The following MSI2 variants were observed in gnomAD, a reference collection of about 807,000 sequenced individuals.
MSI2 encodes RNA-binding protein Musashi homolog 2.
MSI2 carries 17 observed loss-of-function variants against 45.6 expected under a neutral mutation model. The observed-to-expected ratio is 0.37, with a 90% CI of 0.26 to 0.56. The LOEUF (loss-of-function observed/expected upper bound fraction) is 0.56, where lower values mean the gene tolerates loss of function less well. Ranked by LOEUF, MSI2 falls within the 20% of genes least tolerant of loss-of-function variation. The pLI is 0.77. For synonymous variants in MSI2, 156 were observed against 158.2 expected, an observed-to-expected ratio of 0.99 and a Z score of 0.11; for missense variants, 293 against 444.2, an observed-to-expected ratio of 0.66 and a Z score of 3.06.
intron 5 of MSI2, among the ~76,000 whole-genome samples, chr17:57,387,638 T>C (rs2083708593): frequency 6.6e-6 from 1 of 152,262 alleles, no homozygotes; most frequent in South Asian, 2.1e-4. Context: ...GGCGATGGAT[T>C]GATTCAGGGT....
chr17:57,282,866 A>G lies in MSI2; in HGVS notation c.312+20674A>G, dbSNP rs560794554. Among the ~76,000 whole-genome samples the G allele has an allele frequency of 4.0e-5, 5 of 124,508 alleles. No individual in the cohort carries two copies. In the East Asian group the frequency reaches 1.0e-3, roughly 25 times the overall value. 81.7% of individuals were successfully genotyped at this position (124,508 alleles called of 152,430 possible). A position where few individuals can be genotyped will look rare whatever the true frequency, so the allele number is the denominator to read the frequency against. On this transcript the variant is annotated intron_variant, in intron 5 of 13. Coordinates refer to ENST00000284073, the MANE Select transcript of MSI2 (RefSeq NM_138962.4). ...TTTTTTTTCAGGGAACTCTGTCTCTAGAAGAGACTTGCCGTCAGGGCAGTT... is the reference window on the plus strand; with the variant it reads ...TTTTTTTTCAGGGAACTCTGTCTCTGGAAGAGACTTGCCGTCAGGGCAGTT...
rs150334579 is a variant in MSI2 at position 57,461,676 on chromosome 17, C to T, written c.405+60205C>T. 8.6e-3 allele frequency among the ~76,000 whole-genome samples: 1,307 copies of T among 152,184 alleles called. 7 individuals are homozygous for T. The highest frequency in any genetic ancestry group is 0.014 in the South Asian group (69 of 4,814). Reference sequence around the variant, plus strand: ...TCAGCCTCCCGAGTAGCTGGGATTACAGGCGTGAGCCACCACACCGGCTAA... The same window carrying T: ...TCAGCCTCCCGAGTAGCTGGGATTATAGGCGTGAGCCACCACACCGGCTAA... On this transcript the variant is annotated intron_variant, in intron 6 of 13. Coordinates refer to ENST00000284073, the MANE Select transcript of MSI2 (RefSeq NM_138962.4).
chr17:57,657,074 C>G (rs1470456153), intron 11 of MSI2, among the ~76,000 whole-genome samples: 1 of 152,172 alleles, frequency 6.6e-6, no homozygotes, highest in African/African-American at 2.4e-5. Context: ...TGCAAGTTAT[C>G]TACTGTGGGA....
chr17:57,615,461 A>G lies in MSI2; in HGVS notation c.538-509A>G, dbSNP rs78368863. 4.5e-3 allele frequency among the ~76,000 whole-genome samples: 684 copies of G among 152,236 alleles called. 5 individuals are homozygous for G. The highest frequency in any genetic ancestry group is 0.016 in the African/African-American group (644 of 41,526). ...AAAACTTCTGATGCTCTGTTTTCTC[A>G]TCTGTGAACTGGAGCTAAGGCTAAG... On this transcript the variant is annotated intron_variant, in intron 8 of 13. Transcript: ENST00000284073.
rs184161111 is a variant in MSI2 at position 57,314,402 on chromosome 17, G to A, written c.312+52210G>A. On this transcript the variant is annotated intron_variant, in intron 5 of 13. Coordinates refer to ENST00000284073, the MANE Select transcript of MSI2 (RefSeq NM_138962.4). Reference sequence around the variant, plus strand: ...GAGTAATTGTGGAAAGGGGTTTCCCGCCAAAGGGAAAGGTAGGGGTACAGC... The same window carrying A: ...GAGTAATTGTGGAAAGGGGTTTCCCACCAAAGGGAAAGGTAGGGGTACAGC... Among the ~76,000 whole-genome samples the A allele has an allele frequency of 7.8e-4, 119 of 152,098 alleles. 1 individual carries two copies. The highest frequency in any genetic ancestry group is 7.7e-3 in the Admixed American group (118 of 15,280).
chr17:57,458,099 CTTTTTTTTT>C (rs545653222), intron 6 of MSI2, among the ~76,000 whole-genome samples: 1 of 134,048 alleles, frequency 7.5e-6, no homozygotes, highest in Admixed American at 7.6e-5. Flanking sequence ...ATATATATAC[CTTTTTTTTT>C]TTTTTTTTTG....
Position 57,407,745 on chromosome 17 carries a change from C to T in MSI2, c.405+6274C>T, listed in dbSNP as rs1032337167. On this transcript the variant is annotated intron_variant, in intron 6 of 13. Coordinates refer to ENST00000284073, the MANE Select transcript of MSI2 (RefSeq NM_138962.4). This position sits in a 1 kb window ranked among gnomAD's most constrained non-coding sequence, Gnocchi z 4.1. Reference sequence around the variant, plus strand: ...GCTGGACCAGGAAGGACCATGCGCACGCTCTTCCCTGGCTGAAGGCTACTT... The same window carrying T: ...GCTGGACCAGGAAGGACCATGCGCATGCTCTTCCCTGGCTGAAGGCTACTT... 7.9e-5 allele frequency among the ~76,000 whole-genome samples: 12 copies of T among 152,206 alleles called. No individual in the cohort carries two copies. Among genetic ancestry groups the T allele is most frequent in the African/African-American group, 2.2e-4 (9 of 41,444 alleles).
chr17:57,268,913 C>T lies in MSI2; in HGVS notation c.312+6721C>T, dbSNP rs181431391. Among the ~76,000 whole-genome samples, 48 of 152,252 alleles carry T rather than the reference C, an allele frequency of 3.2e-4. 2 individuals are homozygous for T. In the East Asian group the frequency reaches 8.9e-3, roughly 28 times the overall value. On this transcript the variant is annotated intron_variant, in intron 5 of 13. Transcript: ENST00000284073. ...CTGCACTTTTGTACATCGTGGACTTCCATTTAGGTAGAGCGAATGAAAAAT... is the reference window on the plus strand; with the variant it reads ...CTGCACTTTTGTACATCGTGGACTTTCATTTAGGTAGAGCGAATGAAAAAT...
chr17:57,352,040 C>T (rs1371131637), intron 5 of MSI2, among the ~76,000 whole-genome samples: 2 of 152,156 alleles, frequency 1.3e-5, no homozygotes, highest in South Asian at 2.1e-4. Flanking sequence ...TTCTTTGGTT[C>T]CCTTTCATAT....
intron 7 of MSI2, among the ~76,000 whole-genome samples, chr17:57,575,154 C>CG (rs543349015): frequency 4.4e-5 from 6 of 135,930 alleles, no homozygotes; most frequent in Admixed American, 7.1e-5. Context: ...AACTCCCTCC[C>CG]CCCGCCACCC....
At chr17:57,464,021 ATG>A (rs71139998) in intron 6 of MSI2, among the ~76,000 whole-genome samples, 40 of 50,960 alleles carry the variant, frequency 7.8e-4, no homozygotes, top group South Asian at 2.3e-3. Context: ...GTGTGTGTGT[ATG>A]TGTGTGTGTG....
intron 7 of MSI2, among the ~76,000 whole-genome samples, chr17:57,589,523 C>T (rs1453946089): frequency 1.3e-5 from 2 of 151,826 alleles, no homozygotes; most frequent in South Asian, 2.1e-4. Context: ...TGGAGGTGAC[C>T]TAGAAACGTT....
intron 6 of MSI2, among the ~76,000 whole-genome samples, chr17:57,459,080 T>C (rs531455646): frequency 1.3e-5 from 2 of 152,356 alleles, no homozygotes; most frequent in South Asian, 4.1e-4. Context: ...CTCTTTAATG[T>C]TTTCCTTCCC....
At chr17:57,558,586 A>G (rs2087496563) in intron 7 of MSI2, among the ~76,000 whole-genome samples, 2 of 152,016 alleles carry the variant, frequency 1.3e-5, no homozygotes, top group Admixed American at 6.5e-5. Context: ...GAAAACCACG[A>G]CTCTAAGTCA....
Position 57,456,861 on chromosome 17 carries a change from A to G in MSI2, c.405+55390A>G, listed in dbSNP as rs373671263. ...CCATTTAAGTATCCTTGGCAGGAGA[A>G]CTTATCTGAATGGGCCAAGGCTCTT... is the stretch of plus-strand genomic sequence containing the variant. On this transcript the variant is annotated intron_variant, in intron 6 of 13. Transcript: ENST00000284073. Among the ~76,000 whole-genome samples the G allele has an allele frequency of 4.3e-4, 65 of 152,308 alleles. No individual in the cohort carries two copies. The Middle Eastern group carries it at 0.021, about 48-fold the overall frequency.
intron 6 of MSI2, among the ~76,000 whole-genome samples, chr17:57,469,395 A>G (rs947676816): frequency 3.3e-5 from 5 of 152,212 alleles, no homozygotes; most frequent in African/African-American, 9.6e-5. Context: ...ATTTCTGTGT[A>G]AACAGTGTCA....
At chr17:57,510,431 C>T (rs1161213280) in intron 6 of MSI2, among the ~76,000 whole-genome samples, 10 of 149,440 alleles carry the variant, frequency 6.7e-5, no homozygotes, top group African/African-American at 2.5e-4. Flanking sequence ...TTTGTTTTGT[C>T]TTTTGTTTTT....
In MSI2 at chr17:57,280,458, A is replaced by T. The variant is rs557457333; in HGVS notation, c.312+18266A>T. Among the ~76,000 whole-genome samples, 1 of 152,306 alleles carries T rather than the reference A, an allele frequency of 6.6e-6. No individual in the cohort carries two copies. Among genetic ancestry groups the T allele is most frequent in the African/African-American group, 2.4e-5 (1 of 41,564 alleles). ...AGACCAGTGGATGGATTTGAGATGC[A>T]TCTGAGAATTGGAGCAGCAGCTTGG... On this transcript the variant is annotated intron_variant, in intron 5 of 13. Transcript: ENST00000284073. This position sits in a 1 kb window ranked among gnomAD's most constrained non-coding sequence, Gnocchi z 4.2.
intron 5 of MSI2, among the ~76,000 whole-genome samples, chr17:57,359,742 G>GCC (rs961051466): frequency 6.6e-6 from 1 of 152,170 alleles, no homozygotes; most frequent in African/African-American, 2.4e-5. Flanking sequence ...GCCCTGTCGA[G>GCC]CCCTTGGTGA....
Sources: allele counts gnomAD v4.1 joint callset (sites outside exome capture counted in the v4.1 genomes callset), GRCh38; gene constraint gnomAD v4.1.1; non-coding constraint Gnocchi (gnomAD v3.1); transcripts MANE v1.5; gene names NCBI Gene and HGNC (gene_info 2026-07-23, HGNC 2026-07-21).